The following CDKAL1 variants were observed in gnomAD, a reference collection of about 807,000 sequenced individuals.
CDKAL1 encodes the protein threonylcarbamoyladenosine tRNA methylthiotransferase.
CDKAL1 carries 32 observed loss-of-function variants against 68.2 expected under a neutral mutation model. The observed-to-expected ratio is 0.47, with a 90% CI of 0.35 to 0.63. The LOEUF (loss-of-function observed/expected upper bound fraction) is 0.63. Among genes scored for constraint, CDKAL1 ranks in the 30% least tolerant of loss-of-function variants. The pLI is 0.00. For synonymous variants in CDKAL1, 234 were observed against 244.3 expected, an observed-to-expected ratio of 0.96 and a Z score of 0.39; for missense variants, 606 against 696.7, an observed-to-expected ratio of 0.87 and a Z score of 1.47.
rs553889180 is a variant in CDKAL1 at position 21,153,693 on chromosome 6, A to AT, written c.1300-44321dup. On this transcript the variant is annotated intron_variant, in intron 13 of 15. Coordinates refer to ENST00000274695, the MANE Select transcript of CDKAL1 (RefSeq NM_017774.3). ...TCAGCAGTAGAAAAAAAATAGAGGGATTTTTTTCTCTTAGCATAAATGAGA... is the reference window on the plus strand; with the variant it reads ...TCAGCAGTAGAAAAAAAATAGAGGGATTTTTTTTCTCTTAGCATAAATGAGA... Among the ~76,000 whole-genome samples, 357 of 152,290 alleles carry AT rather than the reference A, an allele frequency of 2.3e-3. 1 individual carries two copies. The highest frequency in any genetic ancestry group is 7.9e-3 in the African/African-American group (328 of 41,554).
chr6:21,119,119 C>T (rs183458965), intron 13 of CDKAL1, among the ~76,000 whole-genome samples: 178 of 152,280 alleles, frequency 1.2e-3, no homozygotes, highest in Non-Finnish European at 2.2e-3. Flanking sequence ...CCATCTTCCC[C>T]TCCTCTGCTC....
chr6:20,849,084 C>T (rs1036702069), intron 9 of CDKAL1, among the ~76,000 whole-genome samples: 1 of 151,614 alleles, frequency 6.6e-6, no homozygotes, highest in African/African-American at 2.4e-5. Flanking sequence ...TGCACCCAGC[C>T]AGGAAAATTT....
At chr6:21,066,952 ATCT>A (rs1221134887) in intron 12 of CDKAL1, among the ~76,000 whole-genome samples, 1 of 152,056 alleles carries the variant, frequency 6.6e-6, no homozygotes, top group Non-Finnish European at 1.5e-5. Context: ...TTTTGTAATC[ATCT>A]TCTCCCTCCA....
At chr6:20,637,797 A>G (rs1039905370) in intron 4 of CDKAL1, among the ~76,000 whole-genome samples, 14 of 152,146 alleles carry the variant, frequency 9.2e-5, no homozygotes, top group Non-Finnish European at 2.1e-4. Context: ...ATCCAAAAAA[A>G]TTTTATGTAA....
intron 4 of CDKAL1, among the ~76,000 whole-genome samples, chr6:20,585,419 A>G (rs978652939): frequency 6.6e-6 from 1 of 151,942 alleles, no homozygotes; most frequent in Admixed American, 6.6e-5. Context: ...TTCCTCTCCA[A>G]CTATTCCATT....
At chr6:21,072,202 C>G (rs1771813014) in intron 12 of CDKAL1, among the ~76,000 whole-genome samples, 1 of 152,172 alleles carries the variant, frequency 6.6e-6, no homozygotes, top group Non-Finnish European at 1.5e-5. Flanking sequence ...TACTTCGCCT[C>G]TTAGATTTTG....
intron 4 of CDKAL1, among the ~76,000 whole-genome samples, chr6:20,619,629 A>G (rs896272264): frequency 2.0e-5 from 3 of 152,192 alleles, no homozygotes; most frequent in African/African-American, 7.2e-5. Context: ...CATATATCCA[A>G]TTTGACTGGC....
At chr6:20,915,323 G>A (rs1762674326) in intron 9 of CDKAL1, among the ~76,000 whole-genome samples, 1 of 152,102 alleles carries the variant, frequency 6.6e-6, no homozygotes, top group South Asian at 2.1e-4. Context: ...CACACACACA[G>A]ATTTTAAGAA....
intron 5 of CDKAL1, among the ~76,000 whole-genome samples, chr6:20,706,358 T>C (rs1429715907): frequency 6.6e-6 from 1 of 152,202 alleles, no homozygotes; most frequent in East Asian, 1.9e-4. Flanking sequence ...TTCTTTTCTT[T>C]ACTTTAGGCT....
intron 6 of CDKAL1, among the ~76,000 whole-genome samples, chr6:20,746,898 T>G (rs986795332): frequency 6.6e-6 from 1 of 152,152 alleles, no homozygotes; most frequent in East Asian, 1.9e-4. Context: ...AGATTTTCAG[T>G]ATACAATATT....
chr6:21,117,711 T>C (rs935197144), intron 13 of CDKAL1, among the ~76,000 whole-genome samples: 24 of 152,214 alleles, frequency 1.6e-4, no homozygotes, highest in African/African-American at 5.3e-4. Context: ...AAACCCTAGT[T>C]GCGTGAGCAT....
chr6:20,674,773 T>A (rs780387766), intron 5 of CDKAL1, among the ~76,000 whole-genome samples: 2 of 152,198 alleles, frequency 1.3e-5, no homozygotes, highest in Admixed American at 6.5e-5. Flanking sequence ...CTTCTTCCAT[T>A]AGATCAACTT....
At chr6:21,190,395 C>A (rs1778186277) in intron 13 of CDKAL1, among the ~76,000 whole-genome samples, 1 of 149,802 alleles carries the variant, frequency 6.7e-6, no homozygotes, top group African/African-American at 2.5e-5. Context: ...GAGACGGAGT[C>A]TCATTCTTGT....
chr6:20,891,368 C>T (rs1309668621), intron 9 of CDKAL1, among the ~76,000 whole-genome samples: 2 of 152,092 alleles, frequency 1.3e-5, no homozygotes, highest in African/African-American at 4.8e-5. Flanking sequence ...GGAAGGTGGG[C>T]ATGCTGCAGC....
chr6:20,895,138 G>C (rs1581782418), intron 9 of CDKAL1, among the ~76,000 whole-genome samples: 1 of 151,948 alleles, frequency 6.6e-6, no homozygotes, highest in African/African-American at 2.4e-5. Context: ...ATATTTTGCA[G>C]CTTTGCTCTT....
intron 5 of CDKAL1, among the ~76,000 whole-genome samples, chr6:20,738,697 C>T (rs9356750): frequency 0.25 from 38,290 of 151,804 alleles, 4,985 homozygotes; most frequent in East Asian, 0.34. Context: ...CAAGGTCTCG[C>T]GATGTTGCCC....
chr6:20,667,985 T>C (rs572855701), intron 5 of CDKAL1, among the ~76,000 whole-genome samples: 1 of 152,168 alleles, frequency 6.6e-6, no homozygotes, highest in African/African-American at 2.4e-5. Flanking sequence ...TTTACCATAA[T>C]GTATACAAAT....
chr6:20,858,061 G>T (rs1484007994), intron 9 of CDKAL1, among the ~76,000 whole-genome samples: 2 of 152,144 alleles, frequency 1.3e-5, no homozygotes, highest in Non-Finnish European at 2.9e-5. Context: ...TTTTTACCCT[G>T]TTGGCCAGGC....
At position 20,781,399 on chromosome 6, in the gene CDKAL1, TAC is replaced by T. The variant is rs1775424952; in HGVS notation, c.638+136_638+137del. ...AGAAAAATTACAAAATGTGCTCAAA[TAC>T]AGTTTCTTCTGAAATGTTTCCTGTA... On this transcript the variant is annotated intron_variant, in intron 8 of 15. Coordinates refer to ENST00000274695, the MANE Select transcript of CDKAL1 (RefSeq NM_017774.3). The T allele has an allele frequency of 5.7e-6, 4 of 703,938 alleles. 1 individual carries two copies. The highest frequency in any genetic ancestry group is 2.8e-5 in the East Asian group (1 of 35,902). The allele number at this position is 703,938 out of a possible 1,614,324, so 43.6% of individuals were successfully genotyped here.
Sources: allele counts gnomAD v4.1 joint callset (sites outside exome capture counted in the v4.1 genomes callset), GRCh38; gene constraint gnomAD v4.1.1; transcripts MANE v1.5; gene names NCBI Gene and HGNC (gene_info 2026-07-23, HGNC 2026-07-21).